The following ATP2C2 variants were observed in gnomAD, a reference collection of about 807,000 sequenced individuals.
The protein encoded by ATP2C2 is ATPase secretory pathway Ca2+ transporting 2, also known as calcium-transporting ATPase type 2C member 2.
Under a neutral mutation model 110.8 loss-of-function variants are expected in ATP2C2, and 171 were observed. The observed-to-expected ratio is 1.54, with a 90% CI of 1.36 to 1.75. The LOEUF (loss-of-function observed/expected upper bound fraction) is 1.75, where lower values mean the gene tolerates loss of function less well. Ranked by LOEUF, ATP2C2 falls within the 40% of genes most tolerant of loss-of-function variation. The pLI, the probability that ATP2C2 is intolerant of heterozygous loss-of-function variation, is 0.00. For synonymous variants in ATP2C2, 804 were observed against 508.4 expected (o/e 1.58, Z -7.82); for missense variants, 1,963 against 1,235.0 (o/e 1.59, Z -8.84).
At chr16:84,445,921 G>C (rs951973088) in intron 15 of ATP2C2, among the ~76,000 whole-genome samples, 3 of 152,202 alleles carry the variant, frequency 2.0e-5, no homozygotes, top group African/African-American at 7.2e-5. Flanking sequence ...GCAACAAAGG[G>C]CCAGGCTGGC....
chr16:84,454,884 A>C lies in ATP2C2; in HGVS notation c.2047A>C (p.Lys683Gln). 1 of 1,614,036 alleles carries C rather than the reference A, an allele frequency of 6.2e-7. No homozygotes were observed. Among genetic ancestry groups the C allele is most frequent in the Non-Finnish European group, 8.5e-7 (1 of 1,179,958 alleles). Residue 683 changes from lysine to glutamine, a missense_variant, in exon 21 of 27, where the codon AAG becomes CAG. Coordinates refer to ENST00000262429, the MANE Select transcript of ATP2C2 (RefSeq NM_014861.4). ...GDGVNDAVAL[K>Q]SADIGIAMGQ... ...TGGGGTGAACGACGCAGTGGCCCTG[A>C]AGTCTGCAGACATTGGGATCGCCAT...
chr16:84,406,931 G>A (rs549090261), intron 3 of ATP2C2, among the ~76,000 whole-genome samples: 1 of 151,990 alleles, frequency 6.6e-6, no homozygotes, highest in Non-Finnish European at 1.5e-5. Context: ...TCCTCCTCCA[G>A]CCTCCAGCCA....
intron 2 of ATP2C2, chr16:84,404,908 C>A: frequency 3.3e-6 from 2 of 606,030 alleles, no homozygotes; most frequent in Non-Finnish European, 6.2e-6. Context: ...CCAGAGTCGT[C>A]TTTTCTGCTG....
intron 21 of ATP2C2, among the ~76,000 whole-genome samples, chr16:84,458,902 A>T (rs373293233): frequency 9.9e-4 from 151 of 152,334 alleles, no homozygotes; most frequent in African/African-American, 3.4e-3. Context: ...AAGGGCGAAC[A>T]TGGCTCAAGG....
chr16:84,460,904 C>G (rs978149074), intron 24 of ATP2C2, 103 bp downstream of exon 24: 17 of 1,413,454 alleles, frequency 1.2e-5, no homozygotes, highest in South Asian at 6.8e-5. Flanking sequence ...CTGGGAGAGG[C>G]AAACATGTAC....
chr16:84,376,696 C>A (rs1162283587), intron 1 of ATP2C2, among the ~76,000 whole-genome samples: 1 of 152,182 alleles, frequency 6.6e-6, no homozygotes, highest in African/African-American at 2.4e-5. Context: ...ACAGTCATGG[C>A]CGCTGGGTGG....
chr16:84,417,089 GA>G (rs918528874), intron 7 of ATP2C2, among the ~76,000 whole-genome samples: 13 of 152,232 alleles, frequency 8.5e-5, no homozygotes, highest in Admixed American at 6.5e-5. Context: ...AAAGCCTTGT[GA>G]ACCTTGAGCA....
At position 84,424,177 on chromosome 16, in the gene ATP2C2, G is replaced by T. The variant is rs979740064; in HGVS notation, c.919+914G>T. On this transcript the variant is annotated intron_variant, in intron 10 of 26. Coordinates refer to ENST00000262429, the MANE Select transcript of ATP2C2 (RefSeq NM_014861.4). ...GTGTAGCCAAAACTGCGAAGCCAGA[G>T]AACAGTCTTGAGAGAAACAGCTTAT... Among the ~76,000 whole-genome samples the T allele has an allele frequency of 8.6e-4, 131 of 152,334 alleles. 1 individual carries two copies. Among genetic ancestry groups the T allele is most frequent in the African/African-American group, 3.0e-3 (124 of 41,580 alleles).
chr16:84,420,449 A>C (rs1907227960), intron 7 of ATP2C2, among the ~76,000 whole-genome samples: 2 of 146,348 alleles, frequency 1.4e-5, no homozygotes, highest in Admixed American at 6.9e-5. Flanking sequence ...GGTGGGGGTC[A>C]TCTTTGATCT....
intron 6 of ATP2C2, among the ~76,000 whole-genome samples, chr16:84,412,408 ATGTGTC>A (rs1207892882): frequency 1.3e-5 from 1 of 78,946 alleles, no homozygotes; most frequent in Non-Finnish European, 2.9e-5. Flanking sequence ...GTGTCTGTGC[ATGTGTC>A]TGTGTATGTG....
rs1368214281 is a variant in ATP2C2 at position 84,459,116 on chromosome 16, G to A, written c.2148-4G>A. 2 of 1,614,086 alleles carry A rather than the reference G, an allele frequency of 1.2e-6. No homozygotes were observed. The highest frequency in any genetic ancestry group is 1.3e-5 in the African/African-American group (1 of 75,062). ...CGTGAGTAAATGGCTCTCTTCTCTT[G>A]CAGGAATGCAGTGGAGGAAGGCAAG... On this transcript the variant is annotated splice_polypyrimidine_tract_variant and splice_region_variant and intron_variant, in intron 21 of 26. Transcript: ENST00000262429.
At chr16:84,419,811 T>C (rs72804701) in intron 7 of ATP2C2, among the ~76,000 whole-genome samples, 21,232 of 152,130 alleles carry the variant, frequency 0.14, 1,828 homozygotes, top group Non-Finnish European at 0.2. Context: ...AGTGACAGAC[T>C]GACTTAAATC....
At position 84,422,661 on chromosome 16, in the gene ATP2C2, G is replaced by C. The variant is rs368236760; in HGVS notation, c.807G>C (p.Gln269His). ...GVVIGTGESS[Q>H]FGEVFKMMQA... ...TGATTGGAACAGGGGAAAGCTCTCAGTTCGGAGAAGTGTTTAAGATGATGC... is the reference window on the plus strand; with the variant it reads ...TGATTGGAACAGGGGAAAGCTCTCACTTCGGAGAAGTGTTTAAGATGATGC... The change falls in exon 9 of 27, where the codon CAG becomes CAC. Residue 269 changes from glutamine (Q) to histidine (H), a missense_variant. Gln to His is a conservative substitution (Grantham distance 24). Transcript: ENST00000262429. 6.2e-7 allele frequency: 1 copy of C among 1,613,602 alleles called. No homozygotes were observed. Among genetic ancestry groups the C allele is most frequent in the Non-Finnish European group, 8.5e-7 (1 of 1,179,840 alleles).
rs749599254 is a variant in ATP2C2 at position 84,446,343 on chromosome 16, T to C, written c.1416T>C (p.Asp472=). The C allele has an allele frequency of 1.3e-6, 2 of 1,585,882 alleles. No individual in the cohort carries two copies. The highest frequency in any genetic ancestry group is 1.2e-5 in the South Asian group (1 of 86,802). ...TATTATGCTAGATGGACTTAAGTGA[T>C]ATTAAAAATTCATATATAAGAAAAA... is the stretch of plus-strand genomic sequence containing the variant. The part of the protein sequence containing the change: ...MALAMKMDLS[D]IKNSYIRKKE... The change falls in exon 16 of 27, where the codon GAT becomes GAC. Residue 472 remains aspartate, a synonymous_variant. Transcript: ENST00000262429.
rs767358070 is a variant in ATP2C2, at chr16:84,460,518, G to T, written c.2334-136G>T. The stretch of plus-strand genomic sequence containing the variant: ...AGGTGCCGAGGAGGGCAGGTGCGAT[G>T]CCTGGGGGCGTTCAGCAAATGCCTG... On this transcript the variant is annotated intron_variant, in intron 23 of 26. Coordinates refer to ENST00000262429, the MANE Select transcript of ATP2C2 (RefSeq NM_014861.4). 4 of 1,248,298 alleles carry T rather than the reference G, an allele frequency of 3.2e-6. No homozygotes were observed. The South Asian group carries it at 4.9e-5, about 15-fold the overall frequency. 77.3% of individuals were successfully genotyped at this position (1,248,298 alleles called of 1,614,324 possible). A position where few individuals can be genotyped will look rare whatever the true frequency, so the allele number is the denominator to read the frequency against.
intron 1 of ATP2C2, among the ~76,000 whole-genome samples, chr16:84,393,709 AGGATGGGAGGCCAGT>A (rs1446878588): frequency 1.5e-5 from 2 of 136,764 alleles, no homozygotes; most frequent in Non-Finnish European, 3.1e-5. Flanking sequence ...AGGAGGATAG[AGGATGGGAGGCCAGT>A]GGATGGGAGG....
intron 2 of ATP2C2, among the ~76,000 whole-genome samples, chr16:84,403,578 G>C (rs1905488756): frequency 6.6e-6 from 1 of 152,194 alleles, no homozygotes. Flanking sequence ...GAAGTTTTGG[G>C]ATTACAGGTA....
chr16:84,431,423 G>A (rs556038101), intron 11 of ATP2C2, among the ~76,000 whole-genome samples: 1 of 152,236 alleles, frequency 6.6e-6, no homozygotes, highest in East Asian at 1.9e-4. Context: ...TTGAACTTGG[G>A]AGGCAGAGGT....
intron 16 of ATP2C2, among the ~76,000 whole-genome samples, chr16:84,447,450 G>A (rs1056563584): frequency 6.6e-6 from 1 of 151,614 alleles, no homozygotes; most frequent in Non-Finnish European, 1.5e-5. Context: ...CCACCCAGAG[G>A]TAATTCTATT....
Sources: gnomAD v4.1 joint callset for allele counts (sites outside exome capture counted in the v4.1 genomes callset) on GRCh38, gnomAD v4.1.1 for gene constraint, MANE v1.5 for transcripts, NCBI Gene and HGNC (gene_info 2026-07-23, HGNC 2026-07-21) for gene names.